LIPC: variants seen among roughly 807,000 people sequenced by gnomAD.
LIPC encodes lipase C, hepatic type, also known as hepatic triacylglycerol lipase.
Under a neutral mutation model 50.7 loss-of-function variants are expected in LIPC, and 44 were observed. The ratio of observed to expected loss-of-function variants is 0.87; its 90% CI spans 0.68 to 1.11. The LOEUF (loss-of-function observed/expected upper bound fraction) is 1.11, where lower values mean the gene tolerates loss of function less well. Ranked by LOEUF, LIPC falls within the 50% of genes most tolerant of loss-of-function variation. The pLI is 0.00. For synonymous variants in LIPC, 271 were observed against 256.4 expected (o/e 1.06, Z -0.54); for missense variants, 697 against 648.2 (o/e 1.08, Z -0.82).
chr15:58,464,990 G>T lies in LIPC; in HGVS notation c.88+32870G>T, dbSNP rs1286402218. On this transcript the variant is annotated intron_variant, in intron 1 of 8. Transcript: ENST00000299022. ...TCTGTCTCAAAAATGGGGAGCGAGG[G>T]GGGAGCCCACCACACAACAAAACAT... Among the ~76,000 whole-genome samples the T allele has an allele frequency of 3.3e-5, 5 of 152,050 alleles. 1 individual carries two copies. The highest frequency in any genetic ancestry group is 4.2e-4 in the South Asian group (2 of 4,810).
intron 6 of LIPC, among the ~76,000 whole-genome samples, chr15:58,558,882 T>C (rs1894054859): frequency 6.6e-6 from 1 of 152,348 alleles, no homozygotes; most frequent in Non-Finnish European, 1.5e-5. Flanking sequence ...GTTGTGAACA[T>C]AAATAAACAT....
At chr15:58,450,772 G>T (rs867508420) in intron 1 of LIPC, among the ~76,000 whole-genome samples, 13 of 152,106 alleles carry the variant, frequency 8.5e-5, no homozygotes, top group Non-Finnish European at 1.9e-4. Context: ...AGTAAGAAAT[G>T]CCTGGTATTG....
At chr15:58,474,601 TAGAGG>T (rs1413015878) in intron 1 of LIPC, among the ~76,000 whole-genome samples, 1 of 151,894 alleles carries the variant, frequency 6.6e-6, no homozygotes, top group Non-Finnish European at 1.5e-5. Flanking sequence ...CAGCATTTTG[TAGAGG>T]AGGAAACAAG....
intron 1 of LIPC, among the ~76,000 whole-genome samples, chr15:58,537,550 C>T (rs1421579690): frequency 6.6e-6 from 1 of 152,222 alleles, no homozygotes; most frequent in Non-Finnish European, 1.5e-5. Context: ...CAGGGCCCTC[C>T]ATGCTCTGGC....
At chr15:58,541,741 G>T in intron 2 of LIPC, 44 bp from the exon 3 acceptor site, 1 of 1,586,746 alleles carries the variant, frequency 6.3e-7, no homozygotes. Flanking sequence ...GGGTGAGCGG[G>T]GAGAAAGGAA....
chr15:58,481,456 C>T (rs560608549), intron 1 of LIPC, among the ~76,000 whole-genome samples: 1 of 152,272 alleles, frequency 6.6e-6, no homozygotes, highest in African/African-American at 2.4e-5. Flanking sequence ...CAACAGGTAA[C>T]TGGATAAATA....
chr15:58,516,079 T>C (rs1279452054), intron 1 of LIPC, among the ~76,000 whole-genome samples: 1 of 152,132 alleles, frequency 6.6e-6, no homozygotes, highest in Non-Finnish European at 1.5e-5. Context: ...TCTACCAACA[T>C]ACAAGGAGCC....
At chr15:58,512,459 G>A (rs1321583991) in intron 1 of LIPC, among the ~76,000 whole-genome samples, 2 of 152,104 alleles carry the variant, frequency 1.3e-5, no homozygotes, top group Non-Finnish European at 2.9e-5. Flanking sequence ...GAAAGTCCAC[G>A]CAAATCAGTC....
chr15:58,469,177 C>G (rs1302785903), intron 1 of LIPC, among the ~76,000 whole-genome samples: 1 of 150,670 alleles, frequency 6.6e-6, no homozygotes, highest in African/African-American at 2.4e-5. Context: ...CTCTGTTGCC[C>G]AGGCTGGAGT....
chr15:58,530,445 G>T (rs1235598950), intron 1 of LIPC, among the ~76,000 whole-genome samples: 6 of 152,260 alleles, frequency 3.9e-5, no homozygotes, highest in Admixed American at 3.9e-4. Flanking sequence ...GCCAGGCCCA[G>T]CCCTGACTTA....
At chr15:58,487,322 C>T (rs1891413464) in intron 1 of LIPC, among the ~76,000 whole-genome samples, 1 of 152,178 alleles carries the variant, frequency 6.6e-6, no homozygotes, top group Admixed American at 6.5e-5. Flanking sequence ...CCCTCATGGG[C>T]TCACAGTGAG....
chr15:58,498,600 T>C (rs1442484582), intron 1 of LIPC: 2 of 152,070 alleles, frequency 1.3e-5, no homozygotes, highest in South Asian at 2.1e-4. Context: ...AAAGACTCTT[T>C]AGGGGGGCAA....
chr15:58,544,852 G>GA (rs1180669841), intron 4 of LIPC, among the ~76,000 whole-genome samples: 4 of 151,904 alleles, frequency 2.6e-5, no homozygotes, highest in Non-Finnish European at 5.9e-5. Flanking sequence ...GAAAGACAGG[G>GA]AAAAAAAACT....
chr15:58,480,453 C>T (rs764887698), intron 1 of LIPC, among the ~76,000 whole-genome samples: 28 of 152,164 alleles, frequency 1.8e-4, no homozygotes, highest in African/African-American at 6.8e-4. Context: ...TGCCACCACA[C>T]CTGACTAATT....
intron 1 of LIPC, among the ~76,000 whole-genome samples, chr15:58,446,879 G>A (rs1335123537): frequency 6.6e-6 from 1 of 152,138 alleles, no homozygotes; most frequent in Non-Finnish European, 1.5e-5. Flanking sequence ...AGGCGAGGTG[G>A]CTTATGCCTG....
In LIPC at chr15:58,569,160, A is replaced by G. The variant is rs546934282; in HGVS notation, c.*333A>G. 3 of 191,528 alleles carry G rather than the reference A, an allele frequency of 1.6e-5. No individual in the cohort carries two copies. Among genetic ancestry groups the G allele is most frequent in the Non-Finnish European group, 3.2e-5 (3 of 92,706 alleles). 11.9% of individuals were successfully genotyped at this position (191,528 alleles called of 1,614,324 possible). A position where few individuals can be genotyped will look rare whatever the true frequency, so the allele number is the denominator to read the frequency against. ...ATTAAGTTTCCCACATGTCCTTGCT[A>G]GTTTATTATGACCCATTTTTGAACC... On this transcript the variant is annotated 3_prime_UTR_variant, in exon 9 of 9. Coordinates refer to ENST00000299022, the MANE Select transcript of LIPC (RefSeq NM_000236.3).
intron 1 of LIPC, among the ~76,000 whole-genome samples, chr15:58,463,886 T>C (rs1193382866): frequency 6.6e-6 from 1 of 152,200 alleles, no homozygotes; most frequent in East Asian, 1.9e-4. Context: ...AATAAAATCA[T>C]TTAAAATGTC....
At chr15:58,483,591 C>T (rs1487035830) in intron 1 of LIPC, among the ~76,000 whole-genome samples, 1 of 152,118 alleles carries the variant, frequency 6.6e-6, no homozygotes, top group Non-Finnish European at 1.5e-5. Flanking sequence ...CATTCACAGT[C>T]CATTGCCCAA....
chr15:58,519,913 T>C (rs1479780458), intron 1 of LIPC, among the ~76,000 whole-genome samples: 1 of 152,214 alleles, frequency 6.6e-6, no homozygotes, highest in Non-Finnish European at 1.5e-5. Flanking sequence ...TATCCCGTTA[T>C]CTTCGCTGCT....
Sources: allele counts gnomAD v4.1 joint callset (sites outside exome capture counted in the v4.1 genomes callset), GRCh38; gene constraint gnomAD v4.1.1; transcripts MANE v1.5; gene names NCBI Gene and HGNC (gene_info 2026-07-23, HGNC 2026-07-21).